GABRB1: variants seen among roughly 807,000 people sequenced by gnomAD.
The protein encoded by GABRB1 is gamma-aminobutyric acid receptor subunit beta-1.
A neutral mutation model predicts 51.6 loss-of-function variants in GABRB1; 17 were observed. The ratio of observed to expected loss-of-function variants is 0.33; its 90% CI spans 0.23 to 0.49. The LOEUF (loss-of-function observed/expected upper bound fraction) is 0.49. GABRB1 is among the 20% of genes least tolerant of loss of function. The probability of loss-of-function intolerance (pLI) is 0.99; values close to 1 mark genes in which losing one functional copy is unlikely to be tolerated. For missense variants in GABRB1, 410 were observed against 600.6 expected, an observed-to-expected ratio of 0.68 and a Z score of 3.32; for synonymous variants, 247 against 218.9, an observed-to-expected ratio of 1.13 and a Z score of -1.14.
At chr4:47,023,807 C>G (rs1233401292) in intron 1 of GABRB1, among the ~76,000 whole-genome samples, 1 of 151,800 alleles carries the variant, frequency 6.6e-6, no homozygotes, top group East Asian at 1.9e-4. Context: ...TGTACCAACA[C>G]AAATTAAAAA....
Position 47,344,145 on chromosome 4 carries a change from T to C in GABRB1, c.544+23936T>C, listed in dbSNP as rs143699135. On this transcript the variant is annotated intron_variant, in intron 5 of 8. Transcript: ENST00000295454. The stretch of plus-strand genomic sequence containing the variant: ...AGGCTCACTGAGGGATCATTAACCC[T>C]GTCTTCTAATTCTGGATATGATATG... Among the ~76,000 whole-genome samples the C allele has an allele frequency of 4.5e-3, 690 of 152,316 alleles. 8 individuals carry two copies. Among genetic ancestry groups the C allele is most frequent in the African/African-American group, 0.016 (658 of 41,580 alleles).
At chr4:47,073,637 G>A (rs1301543334) in intron 3 of GABRB1, among the ~76,000 whole-genome samples, 1 of 152,150 alleles carries the variant, frequency 6.6e-6, no homozygotes, top group Non-Finnish European at 1.5e-5. Flanking sequence ...TTTGTTTCTA[G>A]AAGTTACTTT....
At chr4:47,024,796 C>T (rs1212741440) in intron 1 of GABRB1, among the ~76,000 whole-genome samples, 2 of 151,348 alleles carry the variant, frequency 1.3e-5, no homozygotes, top group African/African-American at 2.4e-5. Context: ...AGCTTAGCTC[C>T]CACTTATGAG....
chr4:47,227,633 C>T (rs1413977731), intron 4 of GABRB1, among the ~76,000 whole-genome samples: 3 of 152,078 alleles, frequency 2.0e-5, no homozygotes, highest in Admixed American at 2.0e-4. Context: ...GACTTTTGTA[C>T]ACCCATGTAG....
chr4:47,150,799 G>T (rs1560559560), intron 3 of GABRB1, among the ~76,000 whole-genome samples: 1 of 151,868 alleles, frequency 6.6e-6, no homozygotes, highest in East Asian at 1.9e-4. Context: ...TAAACAAATA[G>T]CTGTGAAAAA....
chr4:46,999,452 T>C (rs954158673), intron 1 of GABRB1, among the ~76,000 whole-genome samples: 1 of 152,208 alleles, frequency 6.6e-6, no homozygotes, highest in Admixed American at 6.5e-5. Flanking sequence ...TTACGTTGTT[T>C]GTAATAGTGG....
intron 3 of GABRB1, among the ~76,000 whole-genome samples, chr4:47,093,481 C>G (rs1337614532): frequency 6.6e-6 from 1 of 152,102 alleles, no homozygotes; most frequent in Non-Finnish European, 1.5e-5. Flanking sequence ...TAAGCTTGTC[C>G]ATTAGTTTTG....
At chr4:47,195,132 C>A (rs534661317) in intron 4 of GABRB1, among the ~76,000 whole-genome samples, 7 of 152,106 alleles carry the variant, frequency 4.6e-5, no homozygotes, top group African/African-American at 1.7e-4. Context: ...TTTGGGAGGC[C>A]GAGGCAGGCG....
At chr4:47,123,724 G>A (rs36203165) in intron 3 of GABRB1, among the ~76,000 whole-genome samples, 1 of 78,514 alleles carries the variant, frequency 1.3e-5, no homozygotes, top group Non-Finnish European at 2.2e-5. Context: ...TATGATATAT[G>A]ATATATCATA....
intron 5 of GABRB1, among the ~76,000 whole-genome samples, chr4:47,357,792 A>G (rs1726643554): frequency 6.6e-6 from 1 of 152,186 alleles, no homozygotes; most frequent in African/African-American, 2.4e-5. Context: ...GTGGCCTCAG[A>G]GCCTGGTTCT....
At chr4:47,239,988 A>T (rs754650712) in intron 4 of GABRB1, among the ~76,000 whole-genome samples, 5 of 152,178 alleles carry the variant, frequency 3.3e-5, no homozygotes, top group Non-Finnish European at 7.4e-5. Flanking sequence ...TAGTCACCAC[A>T]CATGGTGGAT....
chr4:47,286,672 G>A (rs891637423), intron 4 of GABRB1, among the ~76,000 whole-genome samples: 2 of 152,124 alleles, frequency 1.3e-5, no homozygotes, highest in African/African-American at 2.4e-5. Flanking sequence ...ATGAGGTATA[G>A]GTAAAATTCA....
chr4:47,088,968 A>T (rs544587218), intron 3 of GABRB1, among the ~76,000 whole-genome samples: 3 of 152,032 alleles, frequency 2.0e-5, no homozygotes, highest in Non-Finnish European at 4.4e-5. Flanking sequence ...CAAATCAGGG[A>T]CTCCATCTGC....
At position 47,293,255 on chromosome 4, in the gene GABRB1, C is replaced by T. The variant is rs1165501670; in HGVS notation, c.462-26872C>T. Among the ~76,000 whole-genome samples, 3 of 152,150 alleles carry T rather than the reference C, an allele frequency of 2.0e-5. No homozygotes were observed. In the East Asian group the frequency reaches 5.8e-4, roughly 29 times the overall value. On this transcript the variant is annotated intron_variant, in intron 4 of 8. Coordinates refer to ENST00000295454, the MANE Select transcript of GABRB1 (RefSeq NM_000812.4). ...CTCCCGGGTTCAAGTGATTCTCCTG[C>T]CTCAGCCTCCCAAGTAGCTGGGATT...
chr4:47,312,466 C>T (rs1004172784), intron 4 of GABRB1, among the ~76,000 whole-genome samples: 1 of 152,106 alleles, frequency 6.6e-6, no homozygotes, highest in Non-Finnish European at 1.5e-5. Flanking sequence ...CTAACCCATC[C>T]ATCTTCTCTC....
chr4:47,375,281 T>A (rs1345042127), intron 5 of GABRB1, among the ~76,000 whole-genome samples: 1 of 152,204 alleles, frequency 6.6e-6, no homozygotes, highest in East Asian at 1.9e-4. Context: ...AAGACAGATT[T>A]GAAAGAACCA....
intron 1 of GABRB1, among the ~76,000 whole-genome samples, chr4:46,997,839 G>C (rs907324231): frequency 1.2e-4 from 19 of 152,048 alleles, no homozygotes; most frequent in African/African-American, 4.6e-4. Flanking sequence ...GACACACATA[G>C]GTTGTATCCA....
chr4:47,163,962 G>T (rs1384327836), intron 4 of GABRB1, among the ~76,000 whole-genome samples: 1 of 152,016 alleles, frequency 6.6e-6, no homozygotes, highest in Non-Finnish European at 1.5e-5. Flanking sequence ...TGGCTGGGGA[G>T]GTGTCAGGAA....
chr4:47,038,321 C>A (rs1191206318), intron 3 of GABRB1, among the ~76,000 whole-genome samples: 2 of 152,122 alleles, frequency 1.3e-5, no homozygotes, highest in African/African-American at 4.8e-5. Context: ...CCAACTTTTT[C>A]TTCCTTAAAC....
Sources: gnomAD v4.1 joint callset for allele counts (sites outside exome capture counted in the v4.1 genomes callset) on GRCh38, gnomAD v4.1.1 for gene constraint, MANE v1.5 for transcripts, NCBI Gene and HGNC (gene_info 2026-07-23, HGNC 2026-07-21) for gene names.